Variants in TBC1D5 observed in about 807,000 individuals in gnomAD.
TBC1D5 encodes TBC1 domain family member 5.
In TBC1D5, 75 loss-of-function variants were observed where a neutral mutation model predicts 100.3. The observed-to-expected ratio is 0.75, with a 90% confidence interval of 0.62 to 0.91. The LOEUF is 0.91. TBC1D5 is among the 40% of genes least tolerant of loss of function. The probability of loss-of-function intolerance (pLI) is 0.00; values close to 1 mark genes in which losing one functional copy is unlikely to be tolerated. For missense variants in TBC1D5, 910 were observed against 942.4 expected, an observed-to-expected ratio of 0.97 and a Z score of 0.45; for synonymous variants, 323 against 325.6, an observed-to-expected ratio of 0.99 and a Z score of 0.09.
intron 13 of TBC1D5, among the ~76,000 whole-genome samples, chr3:17,314,087 A>G (rs1460747614): frequency 6.6e-6 from 1 of 152,150 alleles, no homozygotes; most frequent in Admixed American, 6.5e-5. Context: ...TTTCACACCT[A>G]TTAGTGTTAC....
At chr3:17,204,658 G>GCA (rs1168194591) in intron 18 of TBC1D5, among the ~76,000 whole-genome samples, 4 of 152,114 alleles carry the variant, frequency 2.6e-5, no homozygotes, top group African/African-American at 7.2e-5. Flanking sequence ...AACCCAAAGG[G>GCA]CACTGTTCTG....
At chr3:17,624,888 G>A (rs907470507) in intron 1 of TBC1D5, among the ~76,000 whole-genome samples, 3 of 151,960 alleles carry the variant, frequency 2.0e-5, no homozygotes, top group African/African-American at 7.2e-5. Context: ...ATGACAAGAC[G>A]CCAGAGAGAA....
chr3:17,466,207 G>T (rs1576165561), intron 3 of TBC1D5, among the ~76,000 whole-genome samples: 1 of 152,274 alleles, frequency 6.6e-6, no homozygotes. Context: ...AAGAATATAA[G>T]TCAGTATTTT....
chr3:17,495,567 T>C (rs1195308463), intron 3 of TBC1D5, among the ~76,000 whole-genome samples: 1 of 152,212 alleles, frequency 6.6e-6, no homozygotes, highest in Non-Finnish European at 1.5e-5. Flanking sequence ...TTACTCTACA[T>C]ATAAAGAAAT....
chr3:17,264,933 A>AAT (rs2078696328), intron 15 of TBC1D5, among the ~76,000 whole-genome samples: 1 of 152,236 alleles, frequency 6.6e-6, no homozygotes, highest in Non-Finnish European at 1.5e-5. Context: ...TAGGTGGAAA[A>AAT]AGTGATGTTT....
chr3:17,570,674 A>G (rs1271074070), intron 2 of TBC1D5, among the ~76,000 whole-genome samples: 1 of 151,874 alleles, frequency 6.6e-6, no homozygotes, highest in African/African-American at 2.4e-5. Context: ...ATTTTATTAT[A>G]TTTTCAAATA....
At chr3:17,630,888 A>AT (rs927224613) in intron 1 of TBC1D5, among the ~76,000 whole-genome samples, 9 of 150,082 alleles carry the variant, frequency 6.0e-5, no homozygotes, top group African/African-American at 2.2e-4. Context: ...ACAAAAAAAA[A>AT]AAAAAAATAG....
At chr3:17,335,968 A>G (rs1165489518) in intron 13 of TBC1D5, among the ~76,000 whole-genome samples, 1 of 152,056 alleles carries the variant, frequency 6.6e-6, no homozygotes, top group Admixed American at 6.6e-5. Context: ...GCTGCTGACC[A>G]CTATTAGATC....
chr3:17,620,117 G>A (rs2062529248), intron 2 of TBC1D5, among the ~76,000 whole-genome samples: 1 of 152,128 alleles, frequency 6.6e-6, no homozygotes, highest in Non-Finnish European at 1.5e-5. Context: ...ATAAAACTAA[G>A]TAAGTATTTG....
At chr3:17,189,069 G>C (rs575562181) in intron 18 of TBC1D5, among the ~76,000 whole-genome samples, 1 of 152,302 alleles carries the variant, frequency 6.6e-6, no homozygotes, top group South Asian at 2.1e-4. Context: ...TCTTGGACAA[G>C]TTCCTTAATT....
intron 8 of TBC1D5, among the ~76,000 whole-genome samples, chr3:17,391,630 T>C (rs1285360584): frequency 1.3e-5 from 2 of 151,328 alleles, no homozygotes; most frequent in African/African-American, 4.9e-5. Flanking sequence ...CAGAAGGACC[T>C]TCAGGAGAGC....
intron 7 of TBC1D5, 35 bp from the exon 8 acceptor site, chr3:17,403,283 A>C: frequency 1.4e-6 from 2 of 1,421,774 alleles, no homozygotes; most frequent in Non-Finnish European, 1.9e-6. Flanking sequence ...ATATAGTCTC[A>C]CACCTTTGTT....
At chr3:17,682,921 C>T (rs1242617875) in intron 1 of TBC1D5, among the ~76,000 whole-genome samples, 1 of 151,370 alleles carries the variant, frequency 6.6e-6, no homozygotes, top group Non-Finnish European at 1.5e-5. Flanking sequence ...ACTCCGTTGC[C>T]GTCTAATTCA....
intron 2 of TBC1D5, among the ~76,000 whole-genome samples, chr3:17,516,257 C>T (rs2095985486): frequency 6.6e-6 from 1 of 152,058 alleles, no homozygotes; most frequent in Non-Finnish European, 1.5e-5. Context: ...TGCCTCTGGG[C>T]TTGGCAAAAA....
intron 4 of TBC1D5, among the ~76,000 whole-genome samples, chr3:17,410,863 C>A (rs2093904752): frequency 6.6e-6 from 1 of 152,036 alleles, no homozygotes; most frequent in Non-Finnish European, 1.5e-5. Context: ...GGTGAAGGTG[C>A]TGTGAATATT....
chr3:17,658,485 G>A (rs1015947510), intron 1 of TBC1D5, among the ~76,000 whole-genome samples: 1 of 151,936 alleles, frequency 6.6e-6, no homozygotes, highest in Admixed American at 6.6e-5. Context: ...GGGAAGGGAA[G>A]GGTATTAAAA....
intron 1 of TBC1D5, among the ~76,000 whole-genome samples, chr3:17,673,603 C>G (rs369087154): frequency 6.6e-6 from 1 of 151,984 alleles, no homozygotes; most frequent in Non-Finnish European, 1.5e-5. Context: ...GCATGAGTTA[C>G]TGCACCCAGC....
intron 13 of TBC1D5, among the ~76,000 whole-genome samples, chr3:17,329,526 T>C (rs928122349): frequency 8.8e-6 from 1 of 113,986 alleles, no homozygotes; most frequent in Non-Finnish European, 1.8e-5. Flanking sequence ...CTTGATTTTA[T>C]GGAGGATAAA....
At position 17,280,083 on chromosome 3, in the gene TBC1D5, T is replaced by C. The variant is rs576159717; in HGVS notation, c.1245+11812A>G. Among the ~76,000 whole-genome samples, 10 of 152,272 alleles carry C rather than the reference T, an allele frequency of 6.6e-5. No homozygotes were observed. In the South Asian group the frequency reaches 2.1e-3, roughly 32 times the overall value. On this transcript the variant is annotated intron_variant, in intron 15 of 21. Coordinates refer to ENST00000253692, the Ensembl canonical transcript of TBC1D5. The stretch of plus-strand genomic sequence containing the variant: ...CAGGTACCCTGGAAATATCAGGGAA[T>C]CAAACAGACAAAAAACATTGTCTTC...
Sources: gnomAD v4.1 joint callset for allele counts (sites outside exome capture counted in the v4.1 genomes callset) on GRCh38, gnomAD v4.1.1 for gene constraint, MANE v1.5 for transcripts, NCBI Gene and HGNC (gene_info 2026-07-23, HGNC 2026-07-21) for gene names.